SSMEM1: variants seen among roughly 807,000 people sequenced by gnomAD.
The protein encoded by SSMEM1 is serine rich single-pass membrane protein 1.
Under a neutral mutation model 9.9 loss-of-function variants are expected in SSMEM1, and 12 were observed. That is an observed-to-expected ratio of 1.21 (90% CI 0.78 to 1.96). The LOEUF is 1.96. SSMEM1 is among the 30% of genes most tolerant of loss of function. The probability of loss-of-function intolerance (pLI) is 0.00; values close to 1 mark genes in which losing one functional copy is unlikely to be tolerated. For missense variants in SSMEM1, 259 were observed against 292.2 expected, an observed-to-expected ratio of 0.89 and a Z score of 0.83; for synonymous variants, 96 against 98.9, an observed-to-expected ratio of 0.97 and a Z score of 0.17.
At chr7:130,211,750 A>G (rs1200992297) in intron 1 of SSMEM1, among the ~76,000 whole-genome samples, 1 of 152,204 alleles carries the variant, frequency 6.6e-6, no homozygotes, top group Non-Finnish European at 1.5e-5. Flanking sequence ...AACCATAGCT[A>G]TCACTTTTAT....
upstream of SSMEM1, among the ~76,000 whole-genome samples, chr7:130,207,426 T>A (rs1481595922): frequency 6.6e-6 from 1 of 152,196 alleles, no homozygotes; most frequent in African/African-American, 2.4e-5. Flanking sequence ...CCTTATGACC[T>A]CATTTAACTT....
chr7:130,215,875 C>G (rs1042688966), intron 2 of SSMEM1, 99 bp from the exon 3 acceptor site: 2 of 1,463,590 alleles, frequency 1.4e-6, no homozygotes, highest in Non-Finnish European at 1.8e-6. Flanking sequence ...TGACAACTGG[C>G]CACTAAGAGT....
chr7:130,208,235 TC>T, intron 1 of SSMEM1, 142 bp downstream of exon 1: 1 of 803,422 alleles, frequency 1.2e-6, no homozygotes, highest in South Asian at 2.4e-5. Context: ...TTCTGGAGAA[TC>T]CAGGAATATG....
At chr7:130,212,694 T>C (rs1322344738) in intron 1 of SSMEM1, among the ~76,000 whole-genome samples, 8 of 150,810 alleles carry the variant, frequency 5.3e-5, no homozygotes, top group African/African-American at 2.0e-4. Context: ...CATTGTACTC[T>C]AGCCTGGGCA....
At chr7:130,214,282 C>T (rs924595682) in intron 2 of SSMEM1, among the ~76,000 whole-genome samples, 6 of 152,066 alleles carry the variant, frequency 3.9e-5, no homozygotes, top group Admixed American at 6.5e-5. Context: ...CATGGTTGTT[C>T]GCACCTGCGG....
intron 2 of SSMEM1, among the ~76,000 whole-genome samples, chr7:130,214,471 TAATAA>T (rs1453671986): frequency 6.6e-6 from 1 of 152,060 alleles, no homozygotes; most frequent in East Asian, 1.9e-4. Flanking sequence ...CCATTTAAAA[TAATAA>T]AATATACAAT....
chr7:130,216,609 A>G lies in SSMEM1; in HGVS notation c.*139A>G. On this transcript the variant is annotated 3_prime_UTR_variant, in exon 3 of 3. Coordinates refer to ENST00000297819, the MANE Select transcript of SSMEM1 (RefSeq NM_145268.4). ...AACAAAAACATACTTGGAACCCAAG[A>G]GGTAAAATCTCACACAATTCTTCGT... The G allele has an allele frequency of 9.2e-7, 1 of 1,083,208 alleles. No homozygotes were observed. The highest frequency in any genetic ancestry group is 1.3e-6 in the Non-Finnish European group (1 of 764,324). 67.1% of individuals were successfully genotyped at this position (1,083,208 alleles called of 1,614,324 possible).
chr7:130,215,082 C>A (rs1469073144), intron 2 of SSMEM1, among the ~76,000 whole-genome samples: 1 of 152,176 alleles, frequency 6.6e-6, no homozygotes, highest in East Asian at 1.9e-4. Flanking sequence ...GAGGGTGGAT[C>A]TCCTGAGGTC....
chr7:130,206,123 C>T (rs1462738722), upstream of SSMEM1, among the ~76,000 whole-genome samples: 1 of 152,204 alleles, frequency 6.6e-6, no homozygotes, highest in African/African-American at 2.4e-5. Context: ...TTTGGAAGAG[C>T]TGCTCATCCT....
chr7:130,215,166 A>G lies in SSMEM1; in HGVS notation c.239-808A>G, dbSNP rs1259150073. ...AAAAATACAAAAAAATTAGCTGTGC[A>G]TGGTGGCACGTGCCTATAATCCCAG... is the stretch of plus-strand genomic sequence containing the variant. On this transcript the variant is annotated intron_variant, in intron 2 of 2. Transcript: ENST00000297819. Among the ~76,000 whole-genome samples the G allele has an allele frequency of 3.3e-5, 5 of 152,344 alleles. No individual in the cohort carries two copies. The East Asian group carries it at 7.7e-4, about 24-fold the overall frequency.
rs1032848268 is a variant in SSMEM1, at chr7:130,216,740, G to T, written c.*270G>T. The T allele has an allele frequency of 3.1e-5, 13 of 422,848 alleles. No individual in the cohort carries two copies. The East Asian group carries it at 5.5e-4, about 18-fold the overall frequency. The allele number at this position is 422,848 out of a possible 1,614,324, so 26.2% of individuals were successfully genotyped here. On this transcript the variant is annotated 3_prime_UTR_variant, in exon 3 of 3. Coordinates refer to ENST00000297819, the MANE Select transcript of SSMEM1 (RefSeq NM_145268.4). Reference sequence around the variant, plus strand: ...AAATAGCACAAGACAGATATTTTGTGCCTTGAGTGTATATATTTTGTGCCT... The same window carrying T: ...AAATAGCACAAGACAGATATTTTGTTCCTTGAGTGTATATATTTTGTGCCT...
intron 1 of SSMEM1, among the ~76,000 whole-genome samples, chr7:130,213,126 T>A (rs2117060364): frequency 6.6e-6 from 1 of 152,254 alleles, no homozygotes; most frequent in Non-Finnish European, 1.5e-5. Flanking sequence ...GGTGGGCAGA[T>A]CACTTGAGGT....
upstream of SSMEM1, chr7:130,205,630 G>C (rs1029060250): frequency 8.3e-6 from 5 of 599,662 alleles, no homozygotes; most frequent in Non-Finnish European, 1.2e-5. Flanking sequence ...TGAACCCGCA[G>C]TAAAAAGTAA....
At chr7:130,205,534 G>A, upstream of SSMEM1, 2 of 1,167,176 alleles carry the variant, frequency 1.7e-6, no homozygotes, top group East Asian at 2.4e-5. Flanking sequence ...CAGGCGCTCG[G>A]AGCGTTACCA....
intron 1 of SSMEM1, among the ~76,000 whole-genome samples, chr7:130,211,340 A>AAGTAGAGAC (rs1798588151): frequency 6.6e-6 from 1 of 151,554 alleles, no homozygotes; most frequent in South Asian, 2.1e-4. Flanking sequence ...TTTGTATTTT[A>AAGTAGAGAC]AGTAGAGACA....
upstream of SSMEM1, chr7:130,207,684 A>C (rs1163738345): frequency 9.3e-6 from 6 of 645,980 alleles, no homozygotes; most frequent in Non-Finnish European, 1.7e-5. Context: ...AGAATGCACC[A>C]TATTGAGGTA....
chr7:130,208,207 A>C, intron 1 of SSMEM1, 114 bp downstream of exon 1: 1 of 1,042,048 alleles, frequency 9.6e-7, no homozygotes, highest in Non-Finnish European at 1.3e-6. Context: ...GTTTAGTTTT[A>C]AAAATAATGC....
chr7:130,213,219 G>T (rs1387673263), intron 1 of SSMEM1, among the ~76,000 whole-genome samples: 1 of 151,786 alleles, frequency 6.6e-6, no homozygotes, highest in Non-Finnish European at 1.5e-5. Flanking sequence ...GTGGTAGCGG[G>T]CACCTGTAAT....
At chr7:130,205,440 G>A, upstream of SSMEM1, 1 of 1,612,142 alleles carries the variant, frequency 6.2e-7, no homozygotes, top group African/African-American at 1.3e-5. Flanking sequence ...CCAAGCTCAA[G>A]CGGGAGGCCA....
Sources: allele counts gnomAD v4.1 joint callset (sites outside exome capture counted in the v4.1 genomes callset), GRCh38; gene constraint gnomAD v4.1.1; transcripts MANE v1.5; gene names NCBI Gene and HGNC (gene_info 2026-07-23, HGNC 2026-07-21).